The following UNC5D variants were observed in gnomAD, a reference collection of about 807,000 sequenced individuals.
UNC5D encodes netrin receptor UNC5D.
UNC5D carries 39 observed loss-of-function variants against 105.4 expected under a neutral mutation model. The ratio of observed to expected loss-of-function variants is 0.37; its 90% CI spans 0.29 to 0.48. The LOEUF is 0.48. Among genes scored for constraint, UNC5D ranks in the 20% least tolerant of loss-of-function variants. The pLI is 0.98. For missense variants in UNC5D, 991 were observed against 1,202.4 expected (o/e 0.82, Z 2.60); for synonymous variants, 452 against 450.4 (o/e 1.00, Z -0.04).
chr8:35,284,424 A>T (rs977678348), intron 1 of UNC5D, among the ~76,000 whole-genome samples: 1 of 152,254 alleles, frequency 6.6e-6, no homozygotes, highest in African/African-American at 2.4e-5. Context: ...TAATGCAATG[A>T]GTTGGAGATA....
intron 4 of UNC5D, among the ~76,000 whole-genome samples, chr8:35,612,950 C>T (rs559866354): frequency 2.0e-4 from 31 of 151,962 alleles, no homozygotes; most frequent in African/African-American, 7.2e-4. Flanking sequence ...CAGGTGGTCT[C>T]GTACAAGATG....
intron 1 of UNC5D, among the ~76,000 whole-genome samples, chr8:35,400,083 C>T (rs1481768238): frequency 6.6e-6 from 1 of 152,054 alleles, no homozygotes; most frequent in Non-Finnish European, 1.5e-5. Context: ...CTGGTGATGG[C>T]TGAGTGGAAG....
At position 35,792,986 on chromosome 8, in the gene UNC5D, C is replaced by A; in HGVS notation, c.*2423C>A. ...CCCATGGATTTTTTTTTCCTTTGGCCTGGGTTTTATAAACAACTTGAACAT... is the reference window on the plus strand; with the variant it reads ...CCCATGGATTTTTTTTTCCTTTGGCATGGGTTTTATAAACAACTTGAACAT... On this transcript the variant is annotated 3_prime_UTR_variant, in exon 17 of 17. Coordinates refer to ENST00000404895, the MANE Select transcript of UNC5D (RefSeq NM_080872.4). 1 of 451,590 alleles carries A rather than the reference C, an allele frequency of 2.2e-6. No homozygotes were observed. Among genetic ancestry groups the A allele is most frequent in the Non-Finnish European group, 4.4e-6 (1 of 225,400 alleles). The allele number at this position is 451,590 out of a possible 1,614,324, so 28.0% of individuals were successfully genotyped here.
At chr8:35,236,545 C>A (rs961635273) in intron 1 of UNC5D, among the ~76,000 whole-genome samples, 1 of 128,608 alleles carries the variant, frequency 7.8e-6, no homozygotes, top group Non-Finnish European at 1.7e-5. Context: ...CGCCTCCTCT[C>A]CCTTCCCGGC....
intron 1 of UNC5D, among the ~76,000 whole-genome samples, chr8:35,533,642 CA>C (rs1814587673): frequency 1.3e-5 from 2 of 152,236 alleles, no homozygotes; most frequent in Non-Finnish European, 2.9e-5. Flanking sequence ...GCCCCTCCCC[CA>C]GCCTCGCTGC....
intron 9 of UNC5D, 115 bp downstream of exon 9, chr8:35,722,510 C>A: frequency 7.3e-7 from 1 of 1,372,194 alleles, no homozygotes; most frequent in South Asian, 1.4e-5. Context: ...CTGGGAGCCG[C>A]TACCAAATTG....
At chr8:35,599,141 T>C (rs1329733217) in intron 4 of UNC5D, among the ~76,000 whole-genome samples, 2 of 50,342 alleles carry the variant, frequency 4.0e-5, no homozygotes, top group Non-Finnish European at 6.5e-5. Context: ...AGACTCTGTC[T>C]CAAAAAAAAA....
At chr8:35,662,466 G>GA (rs575778989) in intron 4 of UNC5D, among the ~76,000 whole-genome samples, 4 of 151,866 alleles carry the variant, frequency 2.6e-5, no homozygotes, top group East Asian at 1.9e-4. Context: ...AAAAAACAAA[G>GA]AAAAAAAATG....
intron 13 of UNC5D, among the ~76,000 whole-genome samples, chr8:35,753,029 T>G (rs1412551981): frequency 6.6e-6 from 1 of 152,172 alleles, no homozygotes; most frequent in Non-Finnish European, 1.5e-5. Context: ...GACATGTACT[T>G]AAAGAGCTTG....
At chr8:35,438,770 G>A (rs1049427440) in intron 1 of UNC5D, among the ~76,000 whole-genome samples, 6 of 151,950 alleles carry the variant, frequency 3.9e-5, no homozygotes, top group African/African-American at 2.4e-5. Flanking sequence ...GATCAAGAAC[G>A]TGTAAAGCAG....
chr8:35,777,240 C>T lies in UNC5D; in HGVS notation c.2657+2763C>T, dbSNP rs555971899. On this transcript the variant is annotated intron_variant, in intron 16 of 16. Coordinates refer to ENST00000404895, the MANE Select transcript of UNC5D (RefSeq NM_080872.4). ...CTGCGCTCCAGCCTGGGCAACAGAG[C>T]GAGACTCTGTCTCAACAAATTAGCC... Among the ~76,000 whole-genome samples, 37 of 152,172 alleles carry T rather than the reference C, an allele frequency of 2.4e-4. No homozygotes were observed. In the East Asian group the frequency reaches 5.2e-3, roughly 21 times the overall value.
chr8:35,755,871 C>G (rs1830496938), intron 13 of UNC5D, among the ~76,000 whole-genome samples: 1 of 152,156 alleles, frequency 6.6e-6, no homozygotes, highest in Non-Finnish European at 1.5e-5. Flanking sequence ...TACTATCAAG[C>G]CTCACTTTGG....
intron 3 of UNC5D, among the ~76,000 whole-genome samples, chr8:35,584,832 A>T (rs775325012): frequency 6.6e-6 from 1 of 152,116 alleles, no homozygotes; most frequent in African/African-American, 2.4e-5. Context: ...TTATTCTTCA[A>T]GCCTGGTCTG....
chr8:35,609,469 T>C (rs1194094497), intron 4 of UNC5D, among the ~76,000 whole-genome samples: 1 of 152,188 alleles, frequency 6.6e-6, no homozygotes, highest in Non-Finnish European at 1.5e-5. Context: ...AGAAGAAAGC[T>C]AAGAAATTCT....
intron 4 of UNC5D, among the ~76,000 whole-genome samples, chr8:35,637,454 T>C (rs998220013): frequency 3.9e-5 from 6 of 152,206 alleles, no homozygotes; most frequent in Non-Finnish European, 1.5e-5. Flanking sequence ...CTTTTATCTT[T>C]ATAATACACC....
intron 1 of UNC5D, among the ~76,000 whole-genome samples, chr8:35,416,274 C>T (rs1919348): frequency 0.52 from 79,609 of 151,876 alleles, 21,558 homozygotes; most frequent in African/African-American, 0.67. Context: ...TGATTGATTG[C>T]TAACTAGAAA....
At chr8:35,573,630 C>A (rs1055716986) in intron 3 of UNC5D, among the ~76,000 whole-genome samples, 1 of 152,080 alleles carries the variant, frequency 6.6e-6, no homozygotes, top group Non-Finnish European at 1.5e-5. Flanking sequence ...GAAAAAAGTT[C>A]ATGTACATTT....
At chr8:35,560,365 C>T (rs566731958) in intron 2 of UNC5D, among the ~76,000 whole-genome samples, 10 of 152,192 alleles carry the variant, frequency 6.6e-5, no homozygotes, top group South Asian at 4.2e-4. Flanking sequence ...TTCTTAAAGC[C>T]GCATTCCTTG....
chr8:35,305,067 A>C (rs532687742), intron 1 of UNC5D, among the ~76,000 whole-genome samples: 1 of 152,226 alleles, frequency 6.6e-6, no homozygotes, highest in South Asian at 2.1e-4. Flanking sequence ...TCTGAAGGTC[A>C]TCCTCATGAA....
Sources: gnomAD v4.1 joint callset for allele counts (sites outside exome capture counted in the v4.1 genomes callset) on GRCh38, gnomAD v4.1.1 for gene constraint, MANE v1.5 for transcripts, NCBI Gene and HGNC (gene_info 2026-07-23, HGNC 2026-07-21) for gene names.